Variants in VWA8 observed in about 807,000 individuals in gnomAD.
VWA8 encodes von Willebrand factor A domain containing 8.
In VWA8, 221 loss-of-function variants were observed where a neutral mutation model predicts 241.5. The observed-to-expected ratio is 0.91, with a 90% CI of 0.82 to 1.02. VWA8 has a LOEUF of 1.02. Among genes scored for constraint, VWA8 ranks in the 50% least tolerant of loss-of-function variants. The probability of loss-of-function intolerance (pLI) is 0.00; values close to 1 mark genes in which losing one functional copy is unlikely to be tolerated. For missense variants in VWA8, 2,322 were observed against 2,328.7 expected, an observed-to-expected ratio of 1.00 and a Z score of 0.06; for synonymous variants, 852 against 827.1, an observed-to-expected ratio of 1.03 and a Z score of -0.52.
At chr13:41,931,010 A>G (rs938661970) in intron 2 of VWA8, among the ~76,000 whole-genome samples, 1 of 151,896 alleles carries the variant, frequency 6.6e-6, no homozygotes, top group Non-Finnish European at 1.5e-5. Context: ...TTAGATGGGC[A>G]TGGTGGCGCA....
At chr13:41,668,337 T>G (rs1445118645) in intron 37 of VWA8, among the ~76,000 whole-genome samples, 2 of 152,108 alleles carry the variant, frequency 1.3e-5, no homozygotes, top group Non-Finnish European at 1.5e-5. Flanking sequence ...AGTAAGTCCA[T>G]CTGGCCACTA....
At chr13:41,856,601 G>C (rs983043868) in intron 12 of VWA8, among the ~76,000 whole-genome samples, 1 of 152,032 alleles carries the variant, frequency 6.6e-6, no homozygotes, top group Non-Finnish European at 1.5e-5. Context: ...CGGGAGGACT[G>C]CTTGAGCCCA....
At chr13:41,792,572 A>G (rs1183512532) in intron 17 of VWA8, among the ~76,000 whole-genome samples, 1 of 152,002 alleles carries the variant, frequency 6.6e-6, no homozygotes, top group African/African-American at 2.4e-5. Flanking sequence ...TAATCTTATC[A>G]AAATTTCTTG....
chr13:41,597,710 A>AT (rs1301491658), intron 40 of VWA8, among the ~76,000 whole-genome samples: 1 of 152,042 alleles, frequency 6.6e-6, no homozygotes, highest in East Asian at 1.9e-4. Flanking sequence ...GTGTGCAAAC[A>AT]TAACAGGCAT....
At chr13:41,623,928 A>G (rs1233264585) in intron 37 of VWA8, among the ~76,000 whole-genome samples, 1 of 152,174 alleles carries the variant, frequency 6.6e-6, no homozygotes, top group Non-Finnish European at 1.5e-5. Flanking sequence ...GGCTAGCTAG[A>G]TTAATAAAGA....
At chr13:41,688,370 A>G (rs2045151311) in intron 34 of VWA8, among the ~76,000 whole-genome samples, 1 of 152,154 alleles carries the variant, frequency 6.6e-6, no homozygotes, top group Non-Finnish European at 1.5e-5. Context: ...AGGAAATTAT[A>G]AAAATTAAAT....
intron 37 of VWA8, among the ~76,000 whole-genome samples, chr13:41,664,577 C>G (rs1218425777): frequency 2.0e-5 from 3 of 151,976 alleles, no homozygotes; most frequent in Non-Finnish European, 4.4e-5. Context: ...TAATTGGTGC[C>G]TTTTGTAAGG....
At chr13:41,584,914 C>T (rs1013964085) in intron 42 of VWA8, among the ~76,000 whole-genome samples, 6 of 152,082 alleles carry the variant, frequency 3.9e-5, no homozygotes, top group Admixed American at 1.3e-4. Context: ...ACACATTGCT[C>T]ACCGAACCTT....
intron 14 of VWA8, among the ~76,000 whole-genome samples, chr13:41,825,896 A>G (rs1226655351): frequency 1.3e-5 from 2 of 152,216 alleles, no homozygotes; most frequent in East Asian, 3.8e-4. Context: ...AATGGGTCAT[A>G]TTACTTATAA....
At chr13:41,632,334 T>C (rs2044731810) in intron 37 of VWA8, among the ~76,000 whole-genome samples, 1 of 152,126 alleles carries the variant, frequency 6.6e-6, no homozygotes, top group African/African-American at 2.4e-5. Context: ...CCAACAGAAT[T>C]CTCTGAGGTG....
intron 37 of VWA8, among the ~76,000 whole-genome samples, chr13:41,620,620 T>C (rs536635756): frequency 8.5e-5 from 13 of 152,324 alleles, no homozygotes; most frequent in Non-Finnish European, 1.6e-4. Flanking sequence ...GCTATAAATT[T>C]CCCTCTACAC....
chr13:41,570,450 T>C lies in VWA8; in HGVS notation c.5609+18A>G. The C allele has an allele frequency of 6.2e-7, 1 of 1,606,054 alleles. No individual in the cohort carries two copies. Among genetic ancestry groups the C allele is most frequent in the Non-Finnish European group, 8.5e-7 (1 of 1,172,892 alleles). ...ATCTCTGTACCTGCCCTTTTCTGTATGCTCAGATGACACTTACCTGGTTGC... is the reference window on the plus strand; with the variant it reads ...ATCTCTGTACCTGCCCTTTTCTGTACGCTCAGATGACACTTACCTGGTTGC... On this transcript the variant is annotated intron_variant, in intron 44 of 44. Coordinates refer to ENST00000379310, the MANE Select transcript of VWA8 (RefSeq NM_015058.2).
intron 1 of VWA8, among the ~76,000 whole-genome samples, chr13:41,956,748 G>C (rs929122154): frequency 6.6e-6 from 1 of 152,040 alleles, no homozygotes; most frequent in Admixed American, 6.5e-5. Flanking sequence ...TTATTGCATT[G>C]TTTATATATT....
intron 29 of VWA8, among the ~76,000 whole-genome samples, chr13:41,697,258 C>A (rs1207273769): frequency 6.6e-6 from 1 of 152,190 alleles, no homozygotes; most frequent in East Asian, 1.9e-4. Flanking sequence ...GCCCCATCCT[C>A]CTCCAAACCA....
chr13:41,708,916 A>G (rs2045299565), intron 26 of VWA8, among the ~76,000 whole-genome samples: 1 of 152,198 alleles, frequency 6.6e-6, no homozygotes, highest in South Asian at 2.1e-4. Context: ...TTCTGGGGCC[A>G]GGGTTTCCTT....
intron 26 of VWA8, among the ~76,000 whole-genome samples, chr13:41,706,091 CCAAA>C (rs1409112402): frequency 6.6e-6 from 1 of 152,044 alleles, no homozygotes; most frequent in Non-Finnish European, 1.5e-5. Context: ...ATAAACCGTA[CCAAA>C]CAATCATATA....
intron 35 of VWA8, among the ~76,000 whole-genome samples, chr13:41,677,954 A>G (rs2137805353): frequency 6.6e-6 from 1 of 152,344 alleles, no homozygotes; most frequent in Admixed American, 6.5e-5. Context: ...TAAATAGGCC[A>G]GCTGAAAAAC....
rs780179594 is a variant in VWA8 at position 41,699,179 on chromosome 13, G to C, written c.3456C>G (p.Asp1152Glu). 6.2e-7 allele frequency: 1 copy of C among 1,614,108 alleles called. No homozygotes were observed. Among genetic ancestry groups the C allele is most frequent in the Non-Finnish European group, 8.5e-7 (1 of 1,179,996 alleles). ...CTGTTCTTGGGAAGATATCAAAAAA[G>C]TCCACAAAGAAGCCACTTTTCCCAG... ...NMTGKSGFFV[D>E]FFDIFPRTAN... The change falls in exon 29 of 45, where the codon GAC becomes GAG. Residue 1152 changes from aspartate to glutamate, a missense_variant. Asp to Glu is a conservative substitution (Grantham distance 45). Transcript: ENST00000379310.
chr13:41,823,795 G>A (rs1486574735), intron 14 of VWA8, among the ~76,000 whole-genome samples: 5 of 152,166 alleles, frequency 3.3e-5, no homozygotes, highest in East Asian at 1.9e-4. Flanking sequence ...GGAGATCATC[G>A]AGATGTATAG....
Sources: allele counts gnomAD v4.1 joint callset (sites outside exome capture counted in the v4.1 genomes callset), GRCh38; gene constraint gnomAD v4.1.1; transcripts MANE v1.5; gene names NCBI Gene and HGNC (gene_info 2026-07-23, HGNC 2026-07-21).